GRHL3: variants seen among roughly 807,000 people sequenced by gnomAD.
GRHL3 encodes the protein grainyhead like transcription factor 3.
Under a neutral mutation model 70.3 loss-of-function variants are expected in GRHL3, and 20 were observed. That is an observed-to-expected ratio of 0.28 (90% CI 0.20 to 0.41). The LOEUF is 0.41. Among genes scored for constraint, GRHL3 ranks in the 10% least tolerant of loss-of-function variants. The pLI is 1.00. For missense variants in GRHL3, 637 were observed against 762.3 expected, an observed-to-expected ratio of 0.84 and a Z score of 1.94; for synonymous variants, 299 against 299.9, an observed-to-expected ratio of 1.00 and a Z score of 0.03.
chr1:24,342,337 G>A lies in GRHL3; in HGVS notation c.1206+64G>A, dbSNP rs1245707590. 1.9e-5 allele frequency: 26 copies of A among 1,389,582 alleles called. No homozygotes were observed. Among genetic ancestry groups the A allele is most frequent in the South Asian group, 2.7e-5 (2 of 73,592 alleles). 86.1% of individuals were successfully genotyped at this position (1,389,582 alleles called of 1,614,324 possible). Reference sequence around the variant, plus strand: ...AGGTAGAAGGGCCAAACCCTGACCCGTGCGTCCTCCTAGCTTCTCTGGGTT... The same window carrying A: ...AGGTAGAAGGGCCAAACCCTGACCCATGCGTCCTCCTAGCTTCTCTGGGTT... On this transcript the variant is annotated intron_variant, in intron 9 of 15. Coordinates refer to ENST00000361548, the MANE Select transcript of GRHL3 (RefSeq NM_198173.3). The surrounding 1 kb of genome is among the most constrained non-coding windows in gnomAD (Gnocchi z 4.8).
intron 15 of GRHL3, chr1:24,361,177 A>C: frequency 1.3e-6 from 1 of 744,338 alleles, no homozygotes; most frequent in Non-Finnish European, 2.1e-6. Context: ...GCAGAGCCCT[A>C]GCTCCACTGG....
chr1:24,340,275 A>T (rs866743019), intron 8 of GRHL3, among the ~76,000 whole-genome samples: 1 of 152,304 alleles, frequency 6.6e-6, no homozygotes, highest in South Asian at 2.1e-4. Flanking sequence ...AGTCCGGTGA[A>T]TGAGGGCTCG....
intron 15 of GRHL3, among the ~76,000 whole-genome samples, chr1:24,351,408 GT>G (rs11446442): frequency 2.0e-5 from 3 of 151,332 alleles, no homozygotes; most frequent in East Asian, 1.9e-4. Context: ...TGGGAAGGGG[GT>G]TTTTTTTGGT....
At position 24,337,856 on chromosome 1, in the gene GRHL3, GC is replaced by G; in HGVS notation, c.840+69del. On this transcript the variant is annotated intron_variant, in intron 6 of 15. Coordinates refer to ENST00000361548, the MANE Select transcript of GRHL3 (RefSeq NM_198173.3). ...CAAGATATACCTCCTCCTTGGGCTA[GC>G]CACGGACCCTGGGGAAAGGCTGTTT... 3.1e-6 allele frequency: 5 copies of G among 1,602,264 alleles called. No homozygotes were observed. In the South Asian group the frequency reaches 3.4e-5, roughly 11 times the overall value.
intron 15 of GRHL3, among the ~76,000 whole-genome samples, chr1:24,362,751 G>A (rs1226942254): frequency 2.6e-5 from 4 of 152,188 alleles, no homozygotes; most frequent in East Asian, 1.9e-4. Context: ...CCTGGTCAGA[G>A]AGGACACTGA....
chr1:24,341,369 A>G (rs1459563572), intron 8 of GRHL3, among the ~76,000 whole-genome samples: 2 of 152,184 alleles, frequency 1.3e-5, no homozygotes, highest in Non-Finnish European at 2.9e-5. Flanking sequence ...AGTGAGGTGA[A>G]AGGATTTGTC....
chr1:24,364,245 T>C lies in GRHL3; in HGVS notation c.1755T>C (p.Cys585=). ...ACCCCCCACCTGACTGTCTTGAATG[T>C]TCCCATCCTGTGACTCAAGTGAGGA... is the stretch of plus-strand genomic sequence containing the variant. Residue 585 remains cysteine (C), a synonymous_variant, in exon 16 of 16, where the codon TGT becomes TGC. Transcript: ENST00000350501. 1.9e-6 allele frequency: 3 copies of C among 1,548,758 alleles called. No homozygotes were observed. In the South Asian group the frequency reaches 3.6e-5, roughly 19 times the overall value.
At chr1:24,325,115 T>A (rs777850107) in intron 1 of GRHL3, among the ~76,000 whole-genome samples, 14 of 152,092 alleles carry the variant, frequency 9.2e-5, no homozygotes, top group Non-Finnish European at 1.5e-4. Flanking sequence ...GTTAATGAGG[T>A]TGGGTGGCTC....
chr1:24,355,476 G>C (rs1169978893), downstream of GRHL3, among the ~76,000 whole-genome samples: 1 of 152,192 alleles, frequency 6.6e-6, no homozygotes, highest in Non-Finnish European at 1.5e-5. Flanking sequence ...GGCACCGGTG[G>C]AGCAGAGGTG....
chr1:24,356,206 G>A (rs1243593560), downstream of GRHL3, among the ~76,000 whole-genome samples: 2 of 143,616 alleles, frequency 1.4e-5, no homozygotes, highest in Admixed American at 1.4e-4. Flanking sequence ...GCCAGTTTTT[G>A]TCTCTTTTAG....
Position 24,354,406 on chromosome 1 carries a change from A to G in GRHL3, c.1727A>G (p.Gln576Arg), listed in dbSNP as rs569038562. 3.1e-6 allele frequency: 5 copies of G among 1,613,830 alleles called. No homozygotes were observed. In the African/African-American group the frequency reaches 4.0e-5, roughly 13 times the overall value. ...GTCAACATGGACAACAACATCATTCAGCATTACAGCAACCACGTCGCCTTC... is the reference window on the plus strand; with the variant it reads ...GTCAACATGGACAACAACATCATTCGGCATTACAGCAACCACGTCGCCTTC... ...ILVNMDNNII[Q>R]HYSNHVAFLL... The change falls in exon 16 of 16, where the codon CAG becomes CGG. Residue 576 changes from glutamine (Q) to arginine (R), a missense_variant. By Grantham distance (43) the Gln-to-Arg change is conservative. Coordinates refer to ENST00000361548, the MANE Select transcript of GRHL3 (RefSeq NM_198173.3).
At chr1:24,329,220 C>A (rs551882741) in intron 1 of GRHL3, among the ~76,000 whole-genome samples, 1 of 152,336 alleles carries the variant, frequency 6.6e-6, no homozygotes, top group Non-Finnish European at 1.5e-5. Context: ...CACCTTGGGG[C>A]CTGGTGGGAT....
chr1:24,347,254 C>T (rs2148664117), intron 13 of GRHL3, among the ~76,000 whole-genome samples: 1 of 152,314 alleles, frequency 6.6e-6, no homozygotes, highest in East Asian at 1.9e-4. Context: ...GGTCACCTGG[C>T]TGGCAGGTAG....
In GRHL3 at chr1:24,339,678, A is replaced by G. The variant is rs1639964697; in HGVS notation, c.963A>G (p.Lys321=). 6.2e-7 allele frequency: 1 copy of G among 1,610,992 alleles called. No individual in the cohort carries two copies. The highest frequency in any genetic ancestry group is 2.2e-5 in the East Asian group (1 of 44,834). The change falls in exon 8 of 16, where the codon AAA becomes AAG. Residue 321 remains lysine (K), a synonymous_variant. Transcript: ENST00000361548. ...CTCCTGTGGTTTCAGCTGACTGCAA[A>G]GAAAACTTCAACACTGTGGAGCACA... is the stretch of plus-strand genomic sequence containing the variant. ...KQRVIDVADC[K]ENFNTVEHIE...
At chr1:24,356,255 T>G (rs527573187), downstream of GRHL3, among the ~76,000 whole-genome samples, 6 of 150,698 alleles carry the variant, frequency 4.0e-5, no homozygotes, top group African/African-American at 1.5e-4. Flanking sequence ...TTTTTTTTGT[T>G]TTTTTGAGAC....
chr1:24,364,174 C>T (rs142435457), intron 15 of GRHL3: 84 of 1,488,754 alleles, frequency 5.6e-5, no homozygotes, highest in Non-Finnish European at 6.7e-5. Flanking sequence ...GACGTTCTCA[C>T]TTTCTTCCAG....
intron 15 of GRHL3, chr1:24,361,088 G>A: frequency 3.3e-6 from 5 of 1,514,244 alleles, no homozygotes; most frequent in Non-Finnish European, 4.5e-6. Flanking sequence ...CAGTCTAGTG[G>A]GGAAGGCACA....
chr1:24,350,043 G>A lies in GRHL3; in HGVS notation c.1630-15G>A, dbSNP rs376126457. 2.5e-6 allele frequency: 4 copies of A among 1,606,848 alleles called. No homozygotes were observed. In the African/African-American group the frequency reaches 5.4e-5, roughly 21 times the overall value. On this transcript the variant is annotated splice_polypyrimidine_tract_variant and intron_variant, in intron 14 of 15. Coordinates refer to ENST00000361548, the MANE Select transcript of GRHL3 (RefSeq NM_198173.3). Reference sequence around the variant, plus strand: ...GTGGGCAGCAGGCAATGAATCACCTGTCTTTTCCTTCCAGATCTCTGAGAA... The same window carrying A: ...GTGGGCAGCAGGCAATGAATCACCTATCTTTTCCTTCCAGATCTCTGAGAA...
chr1:24,358,231 G>A (rs2148672374), downstream of GRHL3: 1 of 589,564 alleles, frequency 1.7e-6, no homozygotes, highest in South Asian at 1.5e-5. Context: ...GTCTGCGGCA[G>A]GGAGTCGTGC....
Sources: gnomAD v4.1 joint callset for allele counts (sites outside exome capture counted in the v4.1 genomes callset) on GRCh38, gnomAD v4.1.1 for gene constraint, Gnocchi (gnomAD v3.1) non-coding constraint, MANE v1.5 for transcripts, NCBI Gene and HGNC (gene_info 2026-07-23, HGNC 2026-07-21) for gene names.